RUBCN: variants seen among roughly 807,000 people sequenced by gnomAD.
RUBCN encodes rubicon autophagy regulator.
A neutral mutation model predicts 113.2 loss-of-function variants in RUBCN; 74 were observed. The ratio of observed to expected loss-of-function variants is 0.65; its 90% CI spans 0.54 to 0.79. The LOEUF (loss-of-function observed/expected upper bound fraction) is 0.79. Among genes scored for constraint, RUBCN ranks in the 30% least tolerant of loss-of-function variants. The pLI is 0.00. For missense variants in RUBCN, 1,109 were observed against 1,251.7 expected (o/e 0.89, Z 1.72); for synonymous variants, 480 against 490.0 (o/e 0.98, Z 0.27).
chr3:197,682,337 C>A (rs1053456312), intron 14 of RUBCN, 133 bp downstream of exon 14: 12 of 1,060,284 alleles, frequency 1.1e-5, no homozygotes, highest in African/African-American at 4.7e-5. Context: ...ACGACGCCCC[C>A]CCTCTGCCTT....
chr3:197,709,457 C>T (rs996297314), intron 2 of RUBCN, among the ~76,000 whole-genome samples: 3 of 152,074 alleles, frequency 2.0e-5, no homozygotes, highest in Admixed American at 1.3e-4. Context: ...CTCGGCTCAC[C>T]GCAACCTCCA....
intron 3 of RUBCN, 77 bp downstream of exon 3, chr3:197,705,015 G>T: frequency 8.7e-7 from 1 of 1,146,816 alleles, no homozygotes; most frequent in Non-Finnish European, 1.3e-6. Flanking sequence ...TTGGAGCCTA[G>T]AAGATTCTTC....
intron 7 of RUBCN, chr3:197,699,309 A>T: frequency 2.8e-6 from 3 of 1,077,670 alleles, no homozygotes; most frequent in Non-Finnish European, 4.1e-6. Flanking sequence ...AAGTGTCCTA[A>T]ATTTTACCCA....
chr3:197,723,941 T>A (rs1370299919), intron 1 of RUBCN, among the ~76,000 whole-genome samples: 1 of 151,786 alleles, frequency 6.6e-6, no homozygotes, highest in Non-Finnish European at 1.5e-5. Flanking sequence ...ACTAAAAAAA[T>A]ATAAAAATTA....
At chr3:197,707,702 C>T (rs899931282) in intron 2 of RUBCN, among the ~76,000 whole-genome samples, 16 of 152,166 alleles carry the variant, frequency 1.1e-4, no homozygotes, top group Non-Finnish European at 2.2e-4. Context: ...GGGGCTCACG[C>T]CTGTAATCCC....
rs796413468 is a variant in RUBCN, at chr3:197,674,880, T to TA, written c.*137dup. 0.091 allele frequency: 41,177 copies of TA among 454,400 alleles called. 1 individual carries two copies. The highest frequency in any genetic ancestry group is 0.12 in the South Asian group (3,690 of 30,744). The allele number at this position is 454,400 out of a possible 1,614,324, so 28.1% of individuals were successfully genotyped here. A position where few individuals can be genotyped will look rare whatever the true frequency, so the allele number is the denominator to read the frequency against. On this transcript the variant is annotated 3_prime_UTR_variant, in exon 20 of 20. Coordinates refer to ENST00000296343, the MANE Select transcript of RUBCN (RefSeq NM_014687.4). ...TGCACACAGACGTCAGACAAGTCAG[T>TA]AAAAAAAAAAAAAAAGATGATGATA...
intron 1 of RUBCN, among the ~76,000 whole-genome samples, chr3:197,735,488 T>TA (rs1430805771): frequency 6.6e-6 from 1 of 152,218 alleles, no homozygotes; most frequent in African/African-American, 2.4e-5. Context: ...CCAGCCTCTT[T>TA]AAAAAAGATT....
chr3:197,701,891 T>C, intron 5 of RUBCN, 27 bp from the exon 6 acceptor site: 1 of 1,611,706 alleles, frequency 6.2e-7, no homozygotes, highest in Non-Finnish European at 8.5e-7. Flanking sequence ...AACCAAAAAA[T>C]GTGTCAGAGT....
rs1721167542 is a variant in RUBCN at position 197,681,045 on chromosome 3, G to C, written c.2430+84C>G. On this transcript the variant is annotated intron_variant, in intron 16 of 19. Coordinates refer to ENST00000296343, the MANE Select transcript of RUBCN (RefSeq NM_014687.4). This position sits in a 1 kb window ranked among gnomAD's most constrained non-coding sequence, Gnocchi z 5.5. ...GGAGGGGACAAGAGGAGGGGATGGGGGGAGGGGACGGGGGAGGGACGAGGG... is the reference window on the plus strand; with the variant it reads ...GGAGGGGACAAGAGGAGGGGATGGGCGGAGGGGACGGGGGAGGGACGAGGG... 4.3e-6 allele frequency: 3 copies of C among 691,182 alleles called. No homozygotes were observed. The highest frequency in any genetic ancestry group is 7.7e-6 in the Non-Finnish European group (3 of 391,672). The allele number at this position is 691,182 out of a possible 1,614,324, so 42.8% of individuals were successfully genotyped here.
chr3:197,728,892 G>C (rs1727065553), intron 1 of RUBCN, among the ~76,000 whole-genome samples: 1 of 152,200 alleles, frequency 6.6e-6, no homozygotes, highest in Non-Finnish European at 1.5e-5. Context: ...AGAAAAGCAA[G>C]AATGAGAATG....
At chr3:197,688,142 T>A (rs868210965) in intron 11 of RUBCN, among the ~76,000 whole-genome samples, 2 of 152,214 alleles carry the variant, frequency 1.3e-5, no homozygotes, top group Non-Finnish European at 2.9e-5. Context: ...TTCTCCTGCC[T>A]CAGCCTCCAG....
rs372329370 is a variant in RUBCN, at chr3:197,674,908, TAAA to T, written c.*107_*109del. On this transcript the variant is annotated 3_prime_UTR_variant, in exon 20 of 20. Transcript: ENST00000296343. ...AAAAAAAAAAAAAGATGATGATAATTAAAAAAAAAAAAAAAAAAAGAAGCCCCA... is the reference window on the plus strand; with the variant it reads ...AAAAAAAAAAAAAGATGATGATAATTAAAAAAAAAAAAAAAAGAAGCCCCA... 3.0e-3 allele frequency: 1,838 copies of T among 621,288 alleles called. No homozygotes were observed. The highest frequency in any genetic ancestry group is 3.8e-3 in the Middle Eastern group (8 of 2,082). 38.5% of individuals were successfully genotyped at this position (621,288 alleles called of 1,614,324 possible). A position where few individuals can be genotyped will look rare whatever the true frequency, so the allele number is the denominator to read the frequency against.
chr3:197,701,768 G>A lies in RUBCN; in HGVS notation c.667C>T (p.Gln223Ter), dbSNP rs751867150. 1.9e-6 allele frequency: 3 copies of A among 1,614,070 alleles called. No homozygotes were observed. The highest frequency in any genetic ancestry group is 2.5e-6 in the Non-Finnish European group (3 of 1,179,910). Residue 223 changes from glutamine (Q) to a stop codon, truncating the protein, a stop_gained, in exon 6 of 20, where the codon CAG (glutamine) becomes TAG (stop). Transcript: ENST00000296343. LOFTEE classifies it high-confidence loss of function. ...STYTPPNSYA[Q>*]HSYFGSFSSL... ...GAGAAGGACCCAAAGTAGGAATGCT[G>A]AGCATAGCTGTTTGGAGGGGTGTAT...
At chr3:197,718,776 T>C (rs1312651527) in intron 1 of RUBCN, among the ~76,000 whole-genome samples, 2 of 152,080 alleles carry the variant, frequency 1.3e-5, no homozygotes, top group Non-Finnish European at 2.9e-5. Context: ...ACCTGCACAA[T>C]ATACAAAAAG....
Position 197,682,526 on chromosome 3 carries a change from G to A in RUBCN, c.2070C>T (p.Asn690=). Residue 690 remains asparagine, a synonymous_variant, in exon 14 of 20, where the codon AAC becomes AAT. Transcript: ENST00000296343. ...GAGGCCGGGGCGGGGCCCACTCCAA[G>A]TTGCCACGAACACGAATCCGCAGCT... ...IYKLRIRVRG[N]LEWAPPRPQI... 1 of 1,614,184 alleles carries A rather than the reference G, an allele frequency of 6.2e-7. No homozygotes were observed. The highest frequency in any genetic ancestry group is 1.1e-5 in the South Asian group (1 of 91,082).
At chr3:197,749,326 G>C (rs947562914) in exon 1 of RUBCN, 1 of 1,150,554 alleles carries the variant, frequency 8.7e-7, no homozygotes, top group Non-Finnish European at 1.1e-6. Context: ...CAGATGTTTT[G>C]AGAGTGCCGA....
chr3:197,729,624 C>T (rs1000347039), intron 1 of RUBCN, among the ~76,000 whole-genome samples: 30 of 152,018 alleles, frequency 2.0e-4, no homozygotes, highest in Non-Finnish European at 1.0e-4. Flanking sequence ...AGTGGCATCA[C>T]CTGGGCTCAC....
At chr3:197,728,733 C>A (rs917934582) in intron 1 of RUBCN, among the ~76,000 whole-genome samples, 5 of 152,022 alleles carry the variant, frequency 3.3e-5, no homozygotes, top group Non-Finnish European at 4.4e-5. Context: ...GAATTCAGAA[C>A]GTAATGGGGG....
chr3:197,691,228 G>C, intron 11 of RUBCN: 1 of 789,142 alleles, frequency 1.3e-6, no homozygotes, highest in South Asian at 1.4e-5. Flanking sequence ...TATGTTCCTG[G>C]AATCAAAACT....
Sources: gnomAD v4.1 joint callset for allele counts (sites outside exome capture counted in the v4.1 genomes callset) on GRCh38, gnomAD v4.1.1 for gene constraint, Gnocchi (gnomAD v3.1) non-coding constraint, MANE v1.5 for transcripts, NCBI Gene and HGNC (gene_info 2026-07-23, HGNC 2026-07-21) for gene names.